The following ALK variants were observed in gnomAD, a reference collection of about 807,000 sequenced individuals.
ALK encodes ALK receptor tyrosine kinase.
ALK carries 74 observed loss-of-function variants against 163.1 expected under a neutral mutation model. That is an observed-to-expected ratio of 0.45 (90% CI 0.38 to 0.55). The LOEUF is 0.55. Among genes scored for constraint, ALK ranks in the 20% least tolerant of loss-of-function variants. ALK has a pLI of 0.00. For synonymous variants in ALK, 960 were observed against 843.2 expected (o/e 1.14, Z -2.40); for missense variants, 2,063 against 2,105.3 (o/e 0.98, Z 0.39).
chr2:29,612,328 T>G (rs944719068), intron 3 of ALK, among the ~76,000 whole-genome samples: 1 of 152,194 alleles, frequency 6.6e-6, no homozygotes, highest in Non-Finnish European at 1.5e-5. Context: ...TGTGTGTTGT[T>G]TTTAAAGTCT....
chr2:29,669,270 G>A (rs1303712539), intron 3 of ALK, among the ~76,000 whole-genome samples: 1 of 151,954 alleles, frequency 6.6e-6, no homozygotes, highest in African/African-American at 2.4e-5. Context: ...TTATATACTT[G>A]GGAGCTCTGA....
intron 1 of ALK, among the ~76,000 whole-genome samples, chr2:29,765,856 C>T (rs943027184): frequency 3.9e-5 from 6 of 151,974 alleles, no homozygotes; most frequent in African/African-American, 1.5e-4. Context: ...TAAATACTTC[C>T]ACTTGGCTTA....
chr2:29,794,069 G>A (rs1255786002), intron 1 of ALK, among the ~76,000 whole-genome samples: 1 of 152,106 alleles, frequency 6.6e-6, no homozygotes, highest in Non-Finnish European at 1.5e-5. Flanking sequence ...TGCCTAGTTT[G>A]ATGGTTTAGT....
intron 1 of ALK, among the ~76,000 whole-genome samples, chr2:29,901,576 A>G (rs1667415220): frequency 6.6e-6 from 1 of 152,184 alleles, no homozygotes; most frequent in Non-Finnish European, 1.5e-5. Context: ...ATCTGATTGC[A>G]TTATTGGCCA....
chr2:29,833,502 A>G (rs1392829479), intron 1 of ALK, among the ~76,000 whole-genome samples: 1 of 152,266 alleles, frequency 6.6e-6, no homozygotes, highest in East Asian at 1.9e-4. Flanking sequence ...TTTCTAAAAA[A>G]GATGGAAGCA....
chr2:29,908,751 C>T lies in ALK; in HGVS notation c.667+11242G>A, dbSNP rs1667618953. On this transcript the variant is annotated intron_variant, in intron 1 of 28. Transcript: ENST00000389048. ...TACAGCATGAAACTCTCCTTAATCA[C>T]CCCAGCAGGAATTGACCTCTCCAAC... Among the ~76,000 whole-genome samples, 9 of 152,202 alleles carry T rather than the reference C, an allele frequency of 5.9e-5. No individual in the cohort carries two copies. In the South Asian group the frequency reaches 1.9e-3, roughly 32 times the overall value.
intron 5 of ALK, among the ~76,000 whole-genome samples, chr2:29,375,787 C>G (rs1447738380): frequency 1.3e-5 from 2 of 152,100 alleles, no homozygotes; most frequent in African/African-American, 2.4e-5. Flanking sequence ...ATTCTGTGGT[C>G]TTTCTGAGAA....
intron 4 of ALK, among the ~76,000 whole-genome samples, chr2:29,496,367 C>A (rs1672023376): frequency 6.6e-6 from 1 of 152,140 alleles, no homozygotes; most frequent in Admixed American, 6.5e-5. Flanking sequence ...CTAATACAGA[C>A]AAACTAGATT....
At chr2:29,413,420 C>T (rs553759191) in intron 4 of ALK, among the ~76,000 whole-genome samples, 1 of 152,202 alleles carries the variant, frequency 6.6e-6, no homozygotes, top group South Asian at 2.1e-4. Flanking sequence ...GATCTTGACT[C>T]ACTGCAACCT....
At chr2:29,741,389 C>T (rs2148324893) in intron 1 of ALK, among the ~76,000 whole-genome samples, 1 of 152,272 alleles carries the variant, frequency 6.6e-6, no homozygotes, top group African/African-American at 2.4e-5. Context: ...TGAATGTTGA[C>T]AGTGGGGGAG....
At chr2:29,575,416 G>C (rs967518268) in intron 3 of ALK, among the ~76,000 whole-genome samples, 4 of 152,162 alleles carry the variant, frequency 2.6e-5, no homozygotes, top group African/African-American at 7.2e-5. Flanking sequence ...CCAATTGATA[G>C]GCTTCCTACC....
At chr2:29,307,980 G>C (rs769559475) in intron 8 of ALK, among the ~76,000 whole-genome samples, 1 of 152,006 alleles carries the variant, frequency 6.6e-6, no homozygotes, top group Non-Finnish European at 1.5e-5. Context: ...AAAACATGAA[G>C]GCCACATACA....
At chr2:29,594,426 CTTT>C (rs754184164) in intron 3 of ALK, among the ~76,000 whole-genome samples, 4 of 128,940 alleles carry the variant, frequency 3.1e-5, no homozygotes, top group Non-Finnish European at 3.3e-5. Context: ...GGTCTCCTCA[CTTT>C]TTTTTTTTTT....
intron 3 of ALK, among the ~76,000 whole-genome samples, chr2:29,633,504 A>AT (rs1676440056): frequency 6.6e-6 from 1 of 152,048 alleles, no homozygotes; most frequent in African/African-American, 2.4e-5. Flanking sequence ...TATGCTCCCA[A>AT]TTCAAAAAAC....
At chr2:29,431,934 C>T (rs1377428314) in intron 4 of ALK, among the ~76,000 whole-genome samples, 2 of 151,880 alleles carry the variant, frequency 1.3e-5, no homozygotes, top group Non-Finnish European at 2.9e-5. Context: ...TGTCCCGTCC[C>T]GTCCCGTCCA....
At chr2:29,821,724 A>T (rs1343966354) in intron 1 of ALK, among the ~76,000 whole-genome samples, 1 of 152,096 alleles carries the variant, frequency 6.6e-6, no homozygotes, top group Non-Finnish European at 1.5e-5. Flanking sequence ...GCATTTCACC[A>T]ATTGAATTGT....
At chr2:29,817,062 A>G (rs1466048073) in intron 1 of ALK, among the ~76,000 whole-genome samples, 1 of 152,192 alleles carries the variant, frequency 6.6e-6, no homozygotes, top group Non-Finnish European at 1.5e-5. Flanking sequence ...CCTCTTTTAC[A>G]GAGGACACGA....
intron 3 of ALK, among the ~76,000 whole-genome samples, chr2:29,554,710 A>C (rs1158738795): frequency 6.6e-6 from 1 of 152,202 alleles, no homozygotes; most frequent in Non-Finnish European, 1.5e-5. Context: ...GGTCTGGGTA[A>C]AATGAGGCTG....
intron 3 of ALK, among the ~76,000 whole-genome samples, chr2:29,685,622 C>T (rs949733911): frequency 4.1e-5 from 5 of 121,560 alleles, no homozygotes; most frequent in African/African-American, 1.3e-4. Context: ...GAATCGTGCC[C>T]CAGGTAAGCC....
Sources: gnomAD v4.1 joint callset for allele counts (sites outside exome capture counted in the v4.1 genomes callset) on GRCh38, gnomAD v4.1.1 for gene constraint, MANE v1.5 for transcripts, NCBI Gene and HGNC (gene_info 2026-07-23, HGNC 2026-07-21) for gene names.